The following WWOX variants were observed in gnomAD, a reference collection of about 807,000 sequenced individuals.
WWOX encodes WW domain containing oxidoreductase.
Under a neutral mutation model 46.2 loss-of-function variants are expected in WWOX, and 69 were observed. The ratio of observed to expected loss-of-function variants is 1.49; its 90% CI spans 1.23 to 1.82. The LOEUF is 1.82. Among genes scored for constraint, WWOX ranks in the 40% most tolerant of loss-of-function variants. WWOX has a pLI of 0.00. For synonymous variants in WWOX, 359 were observed against 202.6 expected (o/e 1.77, Z -6.56); for missense variants, 919 against 542.6 (o/e 1.69, Z -6.89).
At chr16:78,785,948 C>A (rs1450942599) in intron 8 of WWOX, among the ~76,000 whole-genome samples, 3 of 152,124 alleles carry the variant, frequency 2.0e-5, no homozygotes, top group Admixed American at 6.5e-5. Context: ...ATTCTGTCGC[C>A]CAGGCTGGAG....
chr16:79,141,507 G>T (rs2050088208), intron 8 of WWOX, among the ~76,000 whole-genome samples: 1 of 152,216 alleles, frequency 6.6e-6, no homozygotes, highest in Non-Finnish European at 1.5e-5. Context: ...TGTCAGTGGT[G>T]ATAGCACCCG....
intron 8 of WWOX, among the ~76,000 whole-genome samples, chr16:78,628,688 G>C (rs1438783607): frequency 6.6e-6 from 1 of 151,974 alleles, no homozygotes; most frequent in East Asian, 1.9e-4. Context: ...TCCGTGCTTT[G>C]TGAGTGACGT....
At chr16:78,427,960 T>A (rs1375943046) in intron 7 of WWOX, among the ~76,000 whole-genome samples, 1 of 152,032 alleles carries the variant, frequency 6.6e-6, no homozygotes, top group African/African-American at 2.4e-5. Flanking sequence ...CCCAGCTATT[T>A]GGGAGGCTGA....
intron 8 of WWOX, among the ~76,000 whole-genome samples, chr16:78,709,398 CCTG>C: frequency 6.6e-6 from 1 of 152,188 alleles, no homozygotes; most frequent in East Asian, 1.9e-4. Flanking sequence ...GTTCACAGGG[CCTG>C]GGTAGCGGGC....
At chr16:78,239,839 C>T (rs1033609043) in intron 5 of WWOX, among the ~76,000 whole-genome samples, 1 of 152,114 alleles carries the variant, frequency 6.6e-6, no homozygotes, top group African/African-American at 2.4e-5. Flanking sequence ...CAGGCTGGCT[C>T]TTCTAGTTTT....
intron 8 of WWOX, among the ~76,000 whole-genome samples, chr16:79,005,662 C>T (rs1364635365): frequency 1.3e-5 from 2 of 152,120 alleles, no homozygotes; most frequent in Admixed American, 1.3e-4. Flanking sequence ...TCTATGTCTT[C>T]AATGTTCTTC....
intron 8 of WWOX, among the ~76,000 whole-genome samples, chr16:78,631,520 A>G (rs978342574): frequency 4.0e-5 from 6 of 148,822 alleles, no homozygotes; most frequent in Non-Finnish European, 8.9e-5. Flanking sequence ...TTCAACAGAT[A>G]TTTTCAGTGT....
intron 5 of WWOX, among the ~76,000 whole-genome samples, chr16:78,330,230 A>G (rs895061734): frequency 1.3e-5 from 2 of 152,212 alleles, no homozygotes; most frequent in African/African-American, 2.4e-5. Flanking sequence ...ACCAATAACT[A>G]TAAATATCCT....
At chr16:78,659,147 T>G (rs2047152881) in intron 8 of WWOX, among the ~76,000 whole-genome samples, 1 of 151,082 alleles carries the variant, frequency 6.6e-6, no homozygotes, top group South Asian at 2.1e-4. Context: ...GGTGCACACA[T>G]AAATTTGGAA....
At chr16:78,895,698 C>A (rs1379663875) in intron 8 of WWOX, 1 of 152,190 alleles carries the variant, frequency 6.6e-6, no homozygotes, top group Non-Finnish European at 1.5e-5. Context: ...GCCCATTGAT[C>A]TTCAAAAAGT....
chr16:78,350,099 C>T lies in WWOX; in HGVS notation c.517-36761C>T, dbSNP rs193084891. ...TGACCATGTCACTTAAGTTTCTTAC[C>T]GTGATCTCCAACAGCTAGGCAATAT... On this transcript the variant is annotated intron_variant, in intron 5 of 8. Coordinates refer to ENST00000566780, the MANE Select transcript of WWOX (RefSeq NM_016373.4). Among the ~76,000 whole-genome samples, 19 of 120,776 alleles carry T rather than the reference C, an allele frequency of 1.6e-4. 2 individuals are homozygous for T. In the East Asian group the frequency reaches 2.1e-3, roughly 14 times the overall value. The allele number at this position is 120,776 out of a possible 152,430, so 79.2% of individuals were successfully genotyped here.
intron 5 of WWOX, among the ~76,000 whole-genome samples, chr16:78,240,649 C>T (rs2151818527): frequency 6.6e-6 from 1 of 152,334 alleles, no homozygotes; most frequent in Non-Finnish European, 1.5e-5. Flanking sequence ...TATCTACAGT[C>T]TCTGGAAGTC....
chr16:78,445,016 A>G (rs2083526511), intron 8 of WWOX, among the ~76,000 whole-genome samples: 1 of 149,818 alleles, frequency 6.7e-6, no homozygotes, highest in South Asian at 2.2e-4. Context: ...CCCAGGTTCC[A>G]AACCTGCACT....
intron 5 of WWOX, among the ~76,000 whole-genome samples, chr16:78,295,751 C>G (rs922791558): frequency 3.3e-5 from 5 of 149,418 alleles, no homozygotes; most frequent in African/African-American, 1.2e-4. Context: ...CAAACAAAAA[C>G]TTGTCTCCAA....
chr16:79,013,519 G>C (rs931357693), intron 8 of WWOX, among the ~76,000 whole-genome samples: 1 of 152,120 alleles, frequency 6.6e-6, no homozygotes, highest in Non-Finnish European at 1.5e-5. Context: ...AAGCTCAGGC[G>C]TGTGCAACAG....
At chr16:78,975,020 C>T (rs2046543742) in intron 8 of WWOX, among the ~76,000 whole-genome samples, 2 of 152,150 alleles carry the variant, frequency 1.3e-5, no homozygotes, top group African/African-American at 2.4e-5. Context: ...CCTGGTGAGA[C>T]CGTTGTTGGA....
At chr16:78,584,928 C>T (rs144461635) in intron 8 of WWOX, among the ~76,000 whole-genome samples, 1,809 of 152,324 alleles carry the variant, frequency 0.012, 30 homozygotes, top group Middle Eastern at 0.051. Context: ...TCTCCCGCCT[C>T]GGTCAAAGCA....
chr16:78,444,572 C>T (rs1325524450), intron 8 of WWOX, among the ~76,000 whole-genome samples: 1 of 150,660 alleles, frequency 6.6e-6, no homozygotes, highest in African/African-American at 2.5e-5. Flanking sequence ...ACTCTGTCAC[C>T]AGGCTAGAGT....
intron 8 of WWOX, among the ~76,000 whole-genome samples, chr16:79,072,344 G>A (rs2048567355): frequency 1.3e-5 from 2 of 152,098 alleles, no homozygotes; most frequent in African/African-American, 4.8e-5. Context: ...CTCTGCAGAG[G>A]TCCTGGGTCA....
Sources: gnomAD v4.1 joint callset for allele counts (sites outside exome capture counted in the v4.1 genomes callset) on GRCh38, gnomAD v4.1.1 for gene constraint, MANE v1.5 for transcripts, NCBI Gene and HGNC (gene_info 2026-07-23, HGNC 2026-07-21) for gene names.